Variants in SH2B2 observed in about 807,000 individuals in gnomAD.
SH2B2 encodes SH2B adaptor protein 2, also known as SH2B adapter protein 2.
Under a neutral mutation model 35.7 loss-of-function variants are expected in SH2B2, and 37 were observed. The ratio of observed to expected loss-of-function variants is 1.04; its 90% confidence interval spans 0.80 to 1.36. SH2B2 has a LOEUF of 1.36. Among genes scored for constraint, SH2B2 ranks in the 40% most tolerant of loss-of-function variants. The pLI is 0.00. For synonymous variants in SH2B2, 383 were observed against 376.4 expected, an observed-to-expected ratio of 1.02 and a Z score of -0.20; for missense variants, 852 against 817.7, an observed-to-expected ratio of 1.04 and a Z score of -0.51.
Position 102,300,812 on chromosome 7 carries a change from C to A in SH2B2, c.262C>A (p.Arg88=). The A allele has an allele frequency of 6.7e-7, 1 of 1,484,372 alleles. No individual in the cohort carries two copies. 92.0% of individuals were successfully genotyped at this position (1,484,372 alleles called of 1,614,324 possible). A position where few individuals can be genotyped will look rare whatever the true frequency, so the allele number is the denominator to read the frequency against. Residue 88 remains arginine, a synonymous_variant, in exon 2 of 9, where the codon CGG becomes AGG. Coordinates refer to ENST00000444095, the MANE Select transcript of SH2B2 (RefSeq NM_001359228.2). The part of the protein sequence containing the change: ...RRVLVAGPTT[R]GAAVSAEAME... ...CGTGCTGGTGGCTGGGCCGACGACT[C>A]GGGGCGCGGCCGTGAGCGCAGAGGC...
intron 1 of SH2B2, among the ~76,000 whole-genome samples, chr7:102,294,053 CAG>C (rs1385043222): frequency 6.6e-6 from 1 of 152,150 alleles, no homozygotes; most frequent in Non-Finnish European, 1.5e-5. Context: ...TTTTTTGAGA[CAG>C]AGTCTCGCTC....
intron 1 of SH2B2, chr7:102,293,273 C>G (rs1394298446): frequency 7.0e-6 from 1 of 143,052 alleles, no homozygotes; most frequent in Non-Finnish European, 1.6e-5. Flanking sequence ...GCCGCCCCCT[C>G]CCCCATGCCG....
chr7:102,290,839 G>A (rs1178251577), intron 1 of SH2B2, among the ~76,000 whole-genome samples: 1 of 152,258 alleles, frequency 6.6e-6, no homozygotes, highest in Non-Finnish European at 1.5e-5. Context: ...GGGGCAGTGG[G>A]TACCTCTGCA....
At chr7:102,292,254 G>T (rs1792700448) in intron 1 of SH2B2, among the ~76,000 whole-genome samples, 1 of 151,884 alleles carries the variant, frequency 6.6e-6, no homozygotes, top group South Asian at 2.1e-4. Flanking sequence ...CCTGGGACCG[G>T]GTGCACTGGC....
At chr7:102,289,363 G>A (rs1211521784) in intron 1 of SH2B2, among the ~76,000 whole-genome samples, 1 of 152,134 alleles carries the variant, frequency 6.6e-6, no homozygotes, top group African/African-American at 2.4e-5. Flanking sequence ...GTGGGAAGAG[G>A]ATCAAGGGGC....
intron 4 of SH2B2, chr7:102,309,269 T>G: frequency 4.7e-6 from 2 of 424,868 alleles, no homozygotes; most frequent in Non-Finnish European, 9.3e-6. Flanking sequence ...CCCCAACACT[T>G]TGGGAGGCCC....
chr7:102,311,142 G>A (rs1467123278), intron 4 of SH2B2, among the ~76,000 whole-genome samples: 1 of 152,118 alleles, frequency 6.6e-6, no homozygotes, highest in Non-Finnish European at 1.5e-5. Context: ...CCAGGCTGGA[G>A]TACAGTGGTG....
chr7:102,287,987 T>C (rs1554551138), intron 1 of SH2B2, among the ~76,000 whole-genome samples: 1 of 152,148 alleles, frequency 6.6e-6, no homozygotes, highest in East Asian at 1.9e-4. Flanking sequence ...CTGTCAGACC[T>C]GGGTGGAGCC....
intron 1 of SH2B2, among the ~76,000 whole-genome samples, chr7:102,288,314 G>A (rs1193765678): frequency 3.3e-5 from 5 of 152,032 alleles, no homozygotes; most frequent in Admixed American, 3.3e-4. Flanking sequence ...GGAGAGGTCT[G>A]GTGGTGGCGG....
intron 4 of SH2B2, 124 bp downstream of exon 4, chr7:102,309,030 T>C: frequency 1.2e-6 from 1 of 808,514 alleles, no homozygotes; most frequent in Non-Finnish European, 2.2e-6. Flanking sequence ...TTCAATGCGA[T>C]TCAGGTTGGT....
intron 1 of SH2B2, among the ~76,000 whole-genome samples, chr7:102,287,782 C>G (rs1792513587): frequency 6.6e-6 from 1 of 152,196 alleles, no homozygotes; most frequent in Non-Finnish European, 1.5e-5. Context: ...GGGCTGAAGC[C>G]GGGCAGAGGC....
intron 1 of SH2B2, among the ~76,000 whole-genome samples, chr7:102,291,404 T>C (rs1792667038): frequency 1.3e-5 from 2 of 152,212 alleles, no homozygotes; most frequent in Admixed American, 6.6e-5. Context: ...GAAAGTTATC[T>C]GCACGGAAGA....
rs1586605167 is a variant in SH2B2, at chr7:102,317,408, G to C, written c.1395+13G>C. Reference sequence around the variant, plus strand: ...GGGCAAGGCCAAGGCAAGTGTGTGGGGGGCGCCATGGGGGTGCAGTGGCCA... The same window carrying C: ...GGGCAAGGCCAAGGCAAGTGTGTGGCGGGCGCCATGGGGGTGCAGTGGCCA... On this transcript the variant is annotated intron_variant, in intron 7 of 8. Transcript: ENST00000444095. 1.3e-6 allele frequency: 2 copies of C among 1,547,866 alleles called. No individual in the cohort carries two copies. The highest frequency in any genetic ancestry group is 1.8e-6 in the Non-Finnish European group (2 of 1,139,678).
chr7:102,299,189 G>A (rs1267745241), intron 1 of SH2B2, among the ~76,000 whole-genome samples: 23 of 56,444 alleles, frequency 4.1e-4, no homozygotes, highest in Middle Eastern at 0.023. Flanking sequence ...ATGAGCCACC[G>A]CGCCTGGCTT....
Position 102,308,917 on chromosome 7 carries a change from A to C in SH2B2, c.923+11A>C, listed in dbSNP as rs1793507856. On this transcript the variant is annotated intron_variant, in intron 4 of 8. Coordinates refer to ENST00000444095, the MANE Select transcript of SH2B2 (RefSeq NM_001359228.2). ...CTGCGTGGACCCCGGGTGAGTGTCC[A>C]AGTGGCCCGAAGATGGGTGGACAGG... is the stretch of plus-strand genomic sequence containing the variant. The C allele has an allele frequency of 1.2e-6, 2 of 1,608,406 alleles. No homozygotes were observed. Among genetic ancestry groups the C allele is most frequent in the Non-Finnish European group, 8.5e-7 (1 of 1,175,286 alleles).
chr7:102,296,009 G>A (rs556231577), intron 1 of SH2B2, among the ~76,000 whole-genome samples: 9 of 152,234 alleles, frequency 5.9e-5, no homozygotes, highest in Non-Finnish European at 1.2e-4. Flanking sequence ...ACCACCTCTT[G>A]AAGGAAACCT....
intron 4 of SH2B2, among the ~76,000 whole-genome samples, chr7:102,310,935 G>A (rs1185977722): frequency 3.3e-5 from 5 of 152,182 alleles, no homozygotes; most frequent in African/African-American, 1.2e-4. Flanking sequence ...ATAGTGGGCA[G>A]GGATCATGGG....
chr7:102,318,122 G>A (rs1554557468), intron 7 of SH2B2, among the ~76,000 whole-genome samples: 1 of 151,950 alleles, frequency 6.6e-6, no homozygotes, highest in East Asian at 1.9e-4. Context: ...TTGCTATATT[G>A]ACCTGAAATG....
chr7:102,320,580 T>C (rs1794018868), intron 8 of SH2B2, 78 bp downstream of exon 8: 1 of 1,506,178 alleles, frequency 6.6e-7, no homozygotes, highest in Non-Finnish European at 8.9e-7. Context: ...GTCCCTGGGG[T>C]GGGATGAGCC....
Sources: gnomAD v4.1 joint callset for allele counts (sites outside exome capture counted in the v4.1 genomes callset) on GRCh38, gnomAD v4.1.1 for gene constraint, MANE v1.5 for transcripts, NCBI Gene and HGNC (gene_info 2026-07-23, HGNC 2026-07-21) for gene names.